Variants in IQCM observed in about 807,000 individuals in gnomAD.
IQCM encodes the protein IQ domain-containing protein M.
A neutral mutation model predicts 57.6 loss-of-function variants in IQCM; 45 were observed. The ratio of observed to expected loss-of-function variants is 0.78; its 90% CI spans 0.62 to 1.00. The LOEUF is 1.00. Ranked by LOEUF, IQCM falls within the 50% of genes least tolerant of loss-of-function variation. IQCM has a pLI of 0.00. For synonymous variants in IQCM, 148 were observed against 158.9 expected (o/e 0.93, Z 0.51); for missense variants, 468 against 511.6 (o/e 0.91, Z 0.82).
At chr4:149,629,545 A>G (rs1757081849) in intron 7 of IQCM, among the ~76,000 whole-genome samples, 1 of 152,096 alleles carries the variant, frequency 6.6e-6, no homozygotes. Context: ...GGGTGTTCCT[A>G]TAAAGCTAGG....
At chr4:149,671,280 A>G (rs943197181) in intron 7 of IQCM, among the ~76,000 whole-genome samples, 3 of 152,124 alleles carry the variant, frequency 2.0e-5, no homozygotes, top group African/African-American at 4.8e-5. Flanking sequence ...AGAGATGTTT[A>G]TAGTATTCTC....
chr4:149,707,969 T>C (rs1580077456), intron 5 of IQCM, among the ~76,000 whole-genome samples: 1 of 152,068 alleles, frequency 6.6e-6, no homozygotes, highest in Non-Finnish European at 1.5e-5. Context: ...GAAGACAATT[T>C]GTGTGATGTT....
intron 5 of IQCM, among the ~76,000 whole-genome samples, chr4:149,721,382 C>T (rs534371319): frequency 1.7e-3 from 263 of 151,742 alleles, no homozygotes; most frequent in African/African-American, 5.2e-3. Flanking sequence ...TTTTAGTGTA[C>T]CCATCACCCA....
At chr4:149,354,807 A>G (rs1029936909) in intron 13 of IQCM, among the ~76,000 whole-genome samples, 6 of 152,152 alleles carry the variant, frequency 3.9e-5, no homozygotes, top group African/African-American at 1.2e-4. Flanking sequence ...CTATATGTCA[A>G]AAGATATATT....
At chr4:149,394,254 T>G (rs1271041031) in intron 13 of IQCM, among the ~76,000 whole-genome samples, 2 of 151,992 alleles carry the variant, frequency 1.3e-5, no homozygotes, top group African/African-American at 4.8e-5. Context: ...TGAAAATTTT[T>G]CTTTCATTAT....
intron 2 of IQCM, among the ~76,000 whole-genome samples, chr4:149,758,680 C>T (rs966658964): frequency 6.8e-6 from 1 of 147,660 alleles, no homozygotes; most frequent in Non-Finnish European, 1.5e-5. Flanking sequence ...TAACAGACAC[C>T]TCACCAAAGA....
chr4:149,569,106 T>C (rs1006109927), intron 9 of IQCM, among the ~76,000 whole-genome samples: 1 of 152,140 alleles, frequency 6.6e-6, no homozygotes, highest in Non-Finnish European at 1.5e-5. Flanking sequence ...AGAAGCCACA[T>C]GGGGAAGAGA....
chr4:149,553,728 T>TC (rs1312907626), intron 10 of IQCM, among the ~76,000 whole-genome samples: 1 of 152,194 alleles, frequency 6.6e-6, no homozygotes, highest in Non-Finnish European at 1.5e-5. Flanking sequence ...TACCTATTTT[T>TC]CCCTGGGCTT....
chr4:149,497,870 T>C (rs183287022), intron 12 of IQCM, among the ~76,000 whole-genome samples: 1 of 152,254 alleles, frequency 6.6e-6, no homozygotes, highest in African/African-American at 2.4e-5. Flanking sequence ...TTCTTTTTGG[T>C]TTACAAGTCT....
At chr4:149,419,826 G>A (rs1261169045) in intron 13 of IQCM, among the ~76,000 whole-genome samples, 1 of 152,010 alleles carries the variant, frequency 6.6e-6, no homozygotes, top group African/African-American at 2.4e-5. Context: ...TAAAAAGTGG[G>A]CAAAGGATGT....
intron 12 of IQCM, among the ~76,000 whole-genome samples, chr4:149,455,455 C>G (rs574964483): frequency 6.6e-6 from 1 of 152,060 alleles, no homozygotes; most frequent in African/African-American, 2.4e-5. Flanking sequence ...CATGTATTTA[C>G]GACCACCTTC....
At chr4:149,413,092 T>C (rs1009836665) in intron 13 of IQCM, among the ~76,000 whole-genome samples, 3 of 152,228 alleles carry the variant, frequency 2.0e-5, no homozygotes, top group African/African-American at 7.2e-5. Flanking sequence ...ATGCACATTA[T>C]AAAACACACA....
chr4:149,698,373 C>T (rs1051259668), intron 5 of IQCM, among the ~76,000 whole-genome samples: 1 of 151,994 alleles, frequency 6.6e-6, no homozygotes, highest in African/African-American at 2.4e-5. Flanking sequence ...CAGTGACTGG[C>T]CTAGCATATA....
chr4:149,784,741 C>T (rs1771926461), intron 2 of IQCM, among the ~76,000 whole-genome samples: 1 of 152,172 alleles, frequency 6.6e-6, no homozygotes, highest in Admixed American at 6.5e-5. Flanking sequence ...TATCCCCAAC[C>T]AATATGCATT....
At chr4:149,711,495 G>C (rs1249264791) in intron 5 of IQCM, among the ~76,000 whole-genome samples, 2 of 152,178 alleles carry the variant, frequency 1.3e-5, no homozygotes, top group African/African-American at 4.8e-5. Context: ...GCAAGATTTT[G>C]ATAATGCATG....
intron 7 of IQCM, among the ~76,000 whole-genome samples, chr4:149,628,614 CAGAAA>C (rs2150087870): frequency 6.6e-6 from 1 of 152,180 alleles, no homozygotes; most frequent in South Asian, 2.1e-4. Context: ...CTAGAACAAT[CAGAAA>C]TGAAGAAAAC....
chr4:149,634,159 G>C (rs1214657704), intron 7 of IQCM, among the ~76,000 whole-genome samples: 1 of 151,948 alleles, frequency 6.6e-6, no homozygotes, highest in Non-Finnish European at 1.5e-5. Context: ...ATAGGTACAC[G>C]CCACCACACC....
intron 13 of IQCM, among the ~76,000 whole-genome samples, chr4:149,357,076 G>A (rs1729053807): frequency 6.6e-6 from 1 of 152,146 alleles, no homozygotes; most frequent in Non-Finnish European, 1.5e-5. Context: ...GAATGCTTGT[G>A]ATTTTTGCAC....
chr4:149,591,856 T>G (rs940832922), intron 8 of IQCM, among the ~76,000 whole-genome samples: 1 of 152,196 alleles, frequency 6.6e-6, no homozygotes, highest in African/African-American at 2.4e-5. Context: ...CTATCACTGA[T>G]GGACATTTGG....
Sources: allele counts gnomAD v4.1 joint callset (sites outside exome capture counted in the v4.1 genomes callset), GRCh38; gene constraint gnomAD v4.1.1; transcripts MANE v1.5; gene names NCBI Gene and HGNC (gene_info 2026-07-23, HGNC 2026-07-21).